The following PYHIN1 variants were observed in gnomAD, a reference collection of about 807,000 sequenced individuals.
PYHIN1 encodes pyrin and HIN domain family member 1, also known as pyrin and HIN domain-containing protein 1.
PYHIN1 carries 32 observed loss-of-function variants against 43.7 expected under a neutral mutation model. That is an observed-to-expected ratio of 0.73 (90% confidence interval 0.55 to 0.98). The LOEUF is 0.98. Ranked by LOEUF, PYHIN1 falls within the 50% of genes least tolerant of loss-of-function variation. PYHIN1 has a pLI of 0.00. For missense variants in PYHIN1, 588 were observed against 589.5 expected (o/e 1.00, Z 0.03); for synonymous variants, 205 against 203.1 (o/e 1.01, Z -0.08).
chr1:158,944,821 GT>G, intron 6 of PYHIN1, 53 bp from the exon 7 acceptor site: 2 of 1,310,082 alleles, frequency 1.5e-6, no homozygotes, highest in Non-Finnish European at 2.0e-6. Context: ...ATTTAAAGAT[GT>G]TTTGCTTTCC....
At chr1:158,954,386 G>C (rs1285242204) in intron 7 of PYHIN1, among the ~76,000 whole-genome samples, 1 of 38,164 alleles carries the variant, frequency 2.6e-5, no homozygotes, top group East Asian at 1.2e-3. Context: ...AAGCCCATCA[G>C]ACTAACAGCG....
downstream of PYHIN1, among the ~76,000 whole-genome samples, chr1:158,980,935 G>T (rs1241715578): frequency 6.6e-6 from 1 of 152,054 alleles, no homozygotes; most frequent in Non-Finnish European, 1.5e-5. Context: ...ACTCAGGCGG[G>T]CATCATGGTC....
intron 1 of PYHIN1, among the ~76,000 whole-genome samples, chr1:158,932,952 C>G (rs1041470742): frequency 1.3e-5 from 2 of 151,894 alleles, no homozygotes; most frequent in Non-Finnish European, 2.9e-5. Flanking sequence ...GTGTACTTGA[C>G]TAGAATATGA....
chr1:158,937,266 T>C, intron 2 of PYHIN1, 91 bp downstream of exon 2: 1 of 1,375,948 alleles, frequency 7.3e-7, no homozygotes, highest in Non-Finnish European at 9.8e-7. Context: ...AGCTGATACA[T>C]CCTTTTCCCA....
Position 158,939,167 on chromosome 1 carries a change from G to T in PYHIN1, c.499G>T (p.Ala167Ser). The T allele has an allele frequency of 1.9e-6, 3 of 1,614,004 alleles. No individual in the cohort carries two copies. The highest frequency in any genetic ancestry group is 2.2e-5 in the South Asian group (2 of 91,040). The change falls in exon 4 of 9, where the codon GCC becomes TCC. Residue 167 changes from alanine (A) to serine (S), a missense_variant. By Grantham distance (99) the Ala-to-Ser change is moderately conservative. Transcript: ENST00000368140. ...GACTCGGCCTTCCTGCTCTGCAGGA[G>T]CCAGCACGTCCACAGCCATGGGCCG... ...EQTRPSCSAG[A>S]STSTAMGRSP...
the PYHIN1 span, among the ~76,000 whole-genome samples, chr1:158,983,114 T>C: frequency 1.3e-5 from 2 of 151,758 alleles, no homozygotes; most frequent in Non-Finnish European, 2.9e-5. Flanking sequence ...CCTTTCTTTC[T>C]ATTTGGACGT....
At chr1:158,960,682 C>A (rs1004046186) in intron 7 of PYHIN1, among the ~76,000 whole-genome samples, 71 of 152,272 alleles carry the variant, frequency 4.7e-4, no homozygotes, top group African/African-American at 1.7e-3. Flanking sequence ...CAAGAAGCAG[C>A]CTATTCTTAT....
intron 7 of PYHIN1, among the ~76,000 whole-genome samples, chr1:158,972,026 A>T (rs1160779090): frequency 6.6e-6 from 1 of 152,132 alleles, no homozygotes; most frequent in East Asian, 1.9e-4. Context: ...ATACGTATAG[A>T]TATAGAGGCA....
downstream of PYHIN1, among the ~76,000 whole-genome samples, chr1:158,979,345 T>C (rs1397111177): frequency 2.0e-5 from 3 of 152,198 alleles, no homozygotes; most frequent in Non-Finnish European, 4.4e-5. Flanking sequence ...TTTTATTTTC[T>C]GCTCCTGTAA....
At chr1:158,969,206 A>T (rs1303260756) in intron 7 of PYHIN1, among the ~76,000 whole-genome samples, 1 of 152,018 alleles carries the variant, frequency 6.6e-6, no homozygotes, top group African/African-American at 2.4e-5. Flanking sequence ...TTAAAGTCAG[A>T]CATCGTTATG....
intron 3 of PYHIN1, among the ~76,000 whole-genome samples, 174 bp downstream of exon 3, chr1:158,938,716 C>CTT (rs933212737): frequency 5.9e-5 from 9 of 152,262 alleles, no homozygotes; most frequent in African/African-American, 2.2e-4. Flanking sequence ...AAGTTAAACG[C>CTT]TTTAGTAAAC....
chr1:158,974,493 A>G (rs1651135502), intron 8 of PYHIN1, among the ~76,000 whole-genome samples: 2 of 152,070 alleles, frequency 1.3e-5, no homozygotes, highest in African/African-American at 4.8e-5. Context: ...ATTGAATCCC[A>G]GCCTGCTTTT....
At position 158,941,968 on chromosome 1, in the gene PYHIN1, C is replaced by T. The variant is rs776292103; in HGVS notation, c.580-9C>T. 6.4e-7 allele frequency: 1 copy of T among 1,574,420 alleles called. No individual in the cohort carries two copies. Among genetic ancestry groups the T allele is most frequent in the East Asian group, 2.2e-5 (1 of 44,624 alleles). ...TTTCTTTTTTGTATTCCTTTTGTAT[C>T]ATGCGCAGAGCCTAAAACCATTGGC... On this transcript the variant is annotated splice_polypyrimidine_tract_variant and intron_variant, in intron 4 of 8. Coordinates refer to ENST00000368140, the MANE Select transcript of PYHIN1 (RefSeq NM_152501.5).
At chr1:158,948,964 T>C (rs932263820) in intron 7 of PYHIN1, among the ~76,000 whole-genome samples, 2 of 152,158 alleles carry the variant, frequency 1.3e-5, no homozygotes, top group African/African-American at 4.8e-5. Context: ...GAAATATCAG[T>C]TCCCATAAGG....
intron 7 of PYHIN1, among the ~76,000 whole-genome samples, chr1:158,970,395 A>T (rs1480558184): frequency 1.3e-5 from 2 of 151,936 alleles, no homozygotes; most frequent in African/African-American, 2.4e-5. Flanking sequence ...TGAATAGTGT[A>T]TGTTGTACCC....
At chr1:158,979,135 T>G (rs1557849988), downstream of PYHIN1, among the ~76,000 whole-genome samples, 1 of 152,172 alleles carries the variant, frequency 6.6e-6, no homozygotes, top group Non-Finnish European at 1.5e-5. Context: ...TAGTGAGGCA[T>G]GTATTAGAAT....
At chr1:158,973,850 T>C in intron 8 of PYHIN1, 79 bp downstream of exon 8, 2 of 1,457,140 alleles carry the variant, frequency 1.4e-6, no homozygotes, top group South Asian at 1.2e-5. Flanking sequence ...GGGATTCTCA[T>C]TTAAATTCTG....
At chr1:158,977,781 G>C (rs1190472154), downstream of PYHIN1, among the ~76,000 whole-genome samples, 1 of 152,070 alleles carries the variant, frequency 6.6e-6, no homozygotes, top group African/African-American at 2.4e-5. Context: ...ATTTACTTTC[G>C]AAGTGACACT....
chr1:158,968,082 A>G (rs1003624490), intron 7 of PYHIN1, among the ~76,000 whole-genome samples: 2 of 152,068 alleles, frequency 1.3e-5, no homozygotes, highest in Non-Finnish European at 2.9e-5. Flanking sequence ...ACATAAAGAA[A>G]AAATGACAAA....
Sources: allele counts gnomAD v4.1 joint callset (sites outside exome capture counted in the v4.1 genomes callset), GRCh38; gene constraint gnomAD v4.1.1; transcripts MANE v1.5; gene names NCBI Gene and HGNC (gene_info 2026-07-23, HGNC 2026-07-21).